LIPC: variants seen among roughly 807,000 people sequenced by gnomAD.
LIPC encodes hepatic triacylglycerol lipase.
LIPC carries 44 observed loss-of-function variants against 50.7 expected under a neutral mutation model. The observed-to-expected ratio is 0.87, with a 90% CI of 0.68 to 1.11. The LOEUF is 1.11. Ranked by LOEUF, LIPC falls within the 50% of genes most tolerant of loss-of-function variation. The pLI, the probability that LIPC is intolerant of heterozygous loss-of-function variation, is 0.00. For synonymous variants in LIPC, 271 were observed against 256.4 expected, an observed-to-expected ratio of 1.06 and a Z score of -0.54; for missense variants, 697 against 648.2, an observed-to-expected ratio of 1.08 and a Z score of -0.82.
At chr15:58,550,489 G>T (rs896925954) in intron 6 of LIPC, among the ~76,000 whole-genome samples, 2 of 152,186 alleles carry the variant, frequency 1.3e-5, no homozygotes, top group Admixed American at 1.3e-4. Context: ...AACTCACAAG[G>T]ATCCCTTTGT....
intron 1 of LIPC, among the ~76,000 whole-genome samples, chr15:58,449,728 C>T (rs1482988656): frequency 6.6e-6 from 1 of 152,124 alleles, no homozygotes; most frequent in African/African-American, 2.4e-5. Flanking sequence ...TTAATAGAGA[C>T]AGGGTTTCGC....
At chr15:58,481,640 T>TAA (rs34548319) in intron 1 of LIPC, among the ~76,000 whole-genome samples, 5 of 151,822 alleles carry the variant, frequency 3.3e-5, no homozygotes, top group Non-Finnish European at 5.9e-5. Flanking sequence ...CCATCTCTTC[T>TAA]AAAAAAATAT....
At chr15:58,566,334 T>C (rs1408956119) in intron 8 of LIPC, 3 of 985,346 alleles carry the variant, frequency 3.0e-6, no homozygotes, top group Non-Finnish European at 3.6e-6. Flanking sequence ...TCGGATGGAC[T>C]CCAGTGTCAG....
chr15:58,567,350 T>C lies in LIPC; in HGVS notation c.1389-1366T>C, dbSNP rs1048857315. Among the ~76,000 whole-genome samples the C allele has an allele frequency of 9.9e-3, 463 of 46,978 alleles. 3 individuals are homozygous for C. The highest frequency in any genetic ancestry group is 0.029 in the South Asian group (50 of 1,722). 30.8% of individuals were successfully genotyped at this position (46,978 alleles called of 152,430 possible). The stretch of plus-strand genomic sequence containing the variant: ...ATATATATATATATGTATATGTATA[T>C]ATATATATGTATATGTATATATATA... On this transcript the variant is annotated intron_variant, in intron 8 of 8. Coordinates refer to ENST00000299022, the MANE Select transcript of LIPC (RefSeq NM_000236.3).
At chr15:58,486,596 C>T (rs957568809) in intron 1 of LIPC, among the ~76,000 whole-genome samples, 3 of 152,262 alleles carry the variant, frequency 2.0e-5, no homozygotes, top group Middle Eastern at 3.4e-3. Flanking sequence ...AATGAACGTA[C>T]GAGCCCAGAC....
chr15:58,432,019 G>A lies in LIPC; in HGVS notation c.-14G>A, dbSNP rs1195780776. On this transcript the variant is annotated 5_prime_UTR_variant, in exon 1 of 9. Coordinates refer to ENST00000299022, the MANE Select transcript of LIPC (RefSeq NM_000236.3). ...AATTACCAAGAAAGCCTGGACCCCG[G>A]GTGAAACGGAGAAATGGACACAAGT... The A allele has an allele frequency of 3.7e-6, 6 of 1,603,636 alleles. No individual in the cohort carries two copies. The highest frequency in any genetic ancestry group is 5.1e-6 in the Non-Finnish European group (6 of 1,170,600).
At chr15:58,549,870 C>T (rs1036609345) in intron 6 of LIPC, among the ~76,000 whole-genome samples, 16 of 152,362 alleles carry the variant, frequency 1.1e-4, no homozygotes, top group East Asian at 1.9e-4. Context: ...TTTGGAAGTC[C>T]TCCTGCTTCG....
Position 58,516,194 on chromosome 15 carries a change from T to C in LIPC, c.89-22139T>C, listed in dbSNP as rs537042317. On this transcript the variant is annotated intron_variant, in intron 1 of 8. Coordinates refer to ENST00000299022, the MANE Select transcript of LIPC (RefSeq NM_000236.3). The stretch of plus-strand genomic sequence containing the variant: ...TGGGAAGACGTCTATTGAATTCTTA[T>C]CTTTGTCACTGAGTATGCAGTTTGA... 3.3e-5 allele frequency among the ~76,000 whole-genome samples: 5 copies of C among 151,614 alleles called. No individual in the cohort carries two copies. The East Asian group carries it at 5.8e-4, about 18-fold the overall frequency.
At chr15:58,469,933 A>ATT (rs11369488) in intron 1 of LIPC, among the ~76,000 whole-genome samples, 60,043 of 138,398 alleles carry the variant, frequency 0.43, 13,695 homozygotes, top group Middle Eastern at 0.56. Flanking sequence ...TCTTCATGGA[A>ATT]TTTTTTTTTT....
At chr15:58,437,507 G>GT (rs1893344603) in intron 1 of LIPC, among the ~76,000 whole-genome samples, 1 of 152,058 alleles carries the variant, frequency 6.6e-6, no homozygotes, top group Non-Finnish European at 1.5e-5. Flanking sequence ...GGGTTTTAAG[G>GT]TTTGGAGGAT....
At chr15:58,489,942 C>T (rs1201138201) in intron 1 of LIPC, among the ~76,000 whole-genome samples, 1 of 152,028 alleles carries the variant, frequency 6.6e-6, no homozygotes, top group Non-Finnish European at 1.5e-5. Context: ...TCAACTATGT[C>T]AGATTTCTCT....
chr15:58,534,433 T>C (rs4775073), intron 1 of LIPC, among the ~76,000 whole-genome samples: 113,498 of 152,042 alleles, frequency 0.75, 44,186 homozygotes, highest in Non-Finnish European at 0.86. Flanking sequence ...CACCCCTAAA[T>C]GTGACCTGAA....
chr15:58,510,612 G>A (rs566369065), intron 1 of LIPC, among the ~76,000 whole-genome samples: 6 of 152,310 alleles, frequency 3.9e-5, no homozygotes, highest in Admixed American at 3.9e-4. Context: ...ACTAAGAGTA[G>A]GAGAAACTGC....
intron 1 of LIPC, chr15:58,454,535 CT>C (rs35309078): frequency 6.6e-6 from 1 of 152,238 alleles, no homozygotes; most frequent in East Asian, 1.9e-4. Context: ...CCATCTGTGC[CT>C]TCTGGATGGC....
At chr15:58,496,852 T>G (rs1891788057) in intron 1 of LIPC, among the ~76,000 whole-genome samples, 1 of 151,754 alleles carries the variant, frequency 6.6e-6, no homozygotes, top group Non-Finnish European at 1.5e-5. Flanking sequence ...ACCCGGCTCA[T>G]TTTTGTATTT....
intron 1 of LIPC, among the ~76,000 whole-genome samples, chr15:58,515,496 T>G (rs1458916369): frequency 6.7e-6 from 1 of 149,766 alleles, no homozygotes; most frequent in African/African-American, 2.5e-5. Flanking sequence ...CGAGCTTCAT[T>G]AGTGTGATAT....
intron 6 of LIPC, among the ~76,000 whole-genome samples, chr15:58,549,879 C>T (rs1214820524): frequency 6.6e-6 from 1 of 152,208 alleles, no homozygotes; most frequent in South Asian, 2.1e-4. Context: ...CCTCCTGCTT[C>T]GGGGAGCTCC....
At chr15:58,518,466 AG>A (rs147647456) in intron 1 of LIPC, among the ~76,000 whole-genome samples, 2,442 of 152,358 alleles carry the variant, frequency 0.016, 66 homozygotes, top group African/African-American at 0.056. Context: ...GTGCAGCACC[AG>A]GGAGTTATCT....
chr15:58,518,957 AAAAAG>A (rs1159044435), intron 1 of LIPC, among the ~76,000 whole-genome samples: 1 of 152,086 alleles, frequency 6.6e-6, no homozygotes, highest in African/African-American at 2.4e-5. Flanking sequence ...AAAAAGAAAG[AAAAAG>A]AAAAGAAAAG....
Sources: allele counts gnomAD v4.1 joint callset (sites outside exome capture counted in the v4.1 genomes callset), GRCh38; gene constraint gnomAD v4.1.1; transcripts MANE v1.5; gene names NCBI Gene and HGNC (gene_info 2026-07-23, HGNC 2026-07-21).